The following EBF1 variants were observed in gnomAD, a reference collection of about 807,000 sequenced individuals.
EBF1 encodes the protein EBF transcription factor 1, also known as transcription factor COE1.
In EBF1, 10 loss-of-function variants were observed where a neutral mutation model predicts 68.4. That is an observed-to-expected ratio of 0.15 (90% CI 0.09 to 0.25). The LOEUF is 0.25. Ranked by LOEUF, EBF1 falls within the 10% of genes least tolerant of loss-of-function variation. The pLI, the probability that EBF1 is intolerant of heterozygous loss-of-function variation, is 1.00. For synonymous variants in EBF1, 298 were observed against 299.8 expected (o/e 0.99, Z 0.06); for missense variants, 509 against 794.4 (o/e 0.64, Z 4.32).
At chr5:158,718,121 C>T (rs1761151048) in intron 11 of EBF1, among the ~76,000 whole-genome samples, 1 of 152,216 alleles carries the variant, frequency 6.6e-6, no homozygotes, top group Admixed American at 6.5e-5. Flanking sequence ...TTACTTTCTA[C>T]TTTGCAACCC....
chr5:158,973,138 C>T (rs1031808180), intron 6 of EBF1, among the ~76,000 whole-genome samples: 8 of 152,164 alleles, frequency 5.3e-5, no homozygotes, highest in Admixed American at 2.0e-4. Flanking sequence ...TGCCCTAGAA[C>T]GTAAGCTCCA....
chr5:158,922,680 T>C (rs368264915), intron 6 of EBF1, among the ~76,000 whole-genome samples: 1 of 152,210 alleles, frequency 6.6e-6, no homozygotes. Flanking sequence ...CTCTACATTA[T>C]GGACACTAAG....
chr5:158,859,058 T>C (rs1794549748), intron 6 of EBF1, among the ~76,000 whole-genome samples: 1 of 152,162 alleles, frequency 6.6e-6, no homozygotes, highest in Non-Finnish European at 1.5e-5. Flanking sequence ...CATGTTTATC[T>C]ACCAAAAGAA....
chr5:158,877,450 C>A lies in EBF1; in HGVS notation c.555-37340G>T, dbSNP rs543435057. Among the ~76,000 whole-genome samples, 7 of 152,274 alleles carry A rather than the reference C, an allele frequency of 4.6e-5. No individual in the cohort carries two copies. The South Asian group carries it at 1.2e-3, about 27-fold the overall frequency. On this transcript the variant is annotated intron_variant, in intron 6 of 15. Transcript: ENST00000313708. ...CTCATACTTGTACCAGCGTCCCAGC[C>A]AAGATCAACACCATGAGTTTGATTT...
intron 6 of EBF1, among the ~76,000 whole-genome samples, chr5:158,896,114 C>G (rs1328848739): frequency 6.6e-6 from 1 of 151,966 alleles, no homozygotes; most frequent in Non-Finnish European, 1.5e-5. Context: ...GGATTGTTAA[C>G]CCTTCACAGA....
intron 6 of EBF1, among the ~76,000 whole-genome samples, chr5:159,016,961 C>A (rs1765724912): frequency 1.3e-5 from 2 of 152,140 alleles, no homozygotes; most frequent in Non-Finnish European, 2.9e-5. Context: ...GTGAGTCCAC[C>A]AGAAATATAA....
chr5:159,019,932 G>A (rs1018024622), intron 6 of EBF1, among the ~76,000 whole-genome samples: 2 of 152,040 alleles, frequency 1.3e-5, no homozygotes, highest in African/African-American at 4.8e-5. Context: ...ATCCAAGCAA[G>A]AAGTTTCCAT....
chr5:158,905,867 C>G (rs1804467634), intron 6 of EBF1, among the ~76,000 whole-genome samples: 1 of 152,058 alleles, frequency 6.6e-6, no homozygotes. Flanking sequence ...TTGCCCTGGC[C>G]CCACTTAGTG....
chr5:158,875,044 CACACACACACAT>C (rs1016747348), intron 6 of EBF1, among the ~76,000 whole-genome samples: 3 of 118,538 alleles, frequency 2.5e-5, no homozygotes, highest in Admixed American at 8.5e-5. Context: ...CACACAAGCA[CACACACACACAT>C]ACACACACAC....
chr5:159,042,271 G>C (rs1339094182), intron 6 of EBF1, among the ~76,000 whole-genome samples: 1 of 152,150 alleles, frequency 6.6e-6, no homozygotes, highest in African/African-American at 2.4e-5. Context: ...GAATGAGGAC[G>C]TGGCAAACCT....
intron 6 of EBF1, among the ~76,000 whole-genome samples, chr5:158,877,150 C>CA (rs1409152171): frequency 6.6e-6 from 1 of 152,172 alleles, no homozygotes. Context: ...GTTCCAAGCC[C>CA]ACAGTTCCAA....
intron 7 of EBF1, among the ~76,000 whole-genome samples, chr5:158,825,088 A>T (rs1272999865): frequency 6.6e-6 from 1 of 152,202 alleles, no homozygotes; most frequent in African/African-American, 2.4e-5. Flanking sequence ...TTGATGCAGA[A>T]GTTTGCAGAG....
chr5:159,037,788 C>A (rs1770383830), intron 6 of EBF1, among the ~76,000 whole-genome samples: 1 of 151,922 alleles, frequency 6.6e-6, no homozygotes, highest in Admixed American at 6.6e-5. Flanking sequence ...CACATGTACT[C>A]TAAAACTTAA....
At chr5:159,057,682 G>A (rs1775028455) in intron 6 of EBF1, among the ~76,000 whole-genome samples, 1 of 152,176 alleles carries the variant, frequency 6.6e-6, no homozygotes, top group Admixed American at 6.5e-5. Flanking sequence ...CAACATTGCT[G>A]TGCTTCTCTT....
chr5:158,942,460 A>G (rs1264805539), intron 6 of EBF1, among the ~76,000 whole-genome samples: 1 of 149,856 alleles, frequency 6.7e-6, no homozygotes, highest in East Asian at 1.9e-4. Context: ...CCCCATAGGA[A>G]AAAAACATTT....
intron 15 of EBF1, among the ~76,000 whole-genome samples, chr5:158,702,553 A>C (rs1019511570): frequency 1.3e-5 from 2 of 152,088 alleles, no homozygotes; most frequent in Non-Finnish European, 2.9e-5. Context: ...AAAGTTCTGC[A>C]GAGCTGGGAG....
chr5:159,011,421 C>T (rs1764640113), intron 6 of EBF1, among the ~76,000 whole-genome samples: 1 of 152,172 alleles, frequency 6.6e-6, no homozygotes. Context: ...CTCAACTGCC[C>T]GAGTTGTTTT....
chr5:158,904,471 C>T (rs1482123147), intron 6 of EBF1, among the ~76,000 whole-genome samples: 1 of 152,182 alleles, frequency 6.6e-6, no homozygotes, highest in Non-Finnish European at 1.5e-5. Flanking sequence ...ATTTGGGATA[C>T]AGAGCCTTTC....
At chr5:158,899,273 C>T (rs1802792273) in intron 6 of EBF1, among the ~76,000 whole-genome samples, 1 of 152,126 alleles carries the variant, frequency 6.6e-6, no homozygotes, top group Non-Finnish European at 1.5e-5. Flanking sequence ...TGGCTAAAAC[C>T]ATCCTAGATG....
Sources: allele counts gnomAD v4.1 joint callset (sites outside exome capture counted in the v4.1 genomes callset), GRCh38; gene constraint gnomAD v4.1.1; transcripts MANE v1.5; gene names NCBI Gene and HGNC (gene_info 2026-07-23, HGNC 2026-07-21).